The following ADORA2B variants were observed in gnomAD, a reference collection of about 807,000 sequenced individuals.
The protein encoded by ADORA2B is adenosine receptor A2b.
In ADORA2B, 18 loss-of-function variants were observed where a neutral mutation model predicts 20.8. That is an observed-to-expected ratio of 0.87 (90% CI 0.60 to 1.29). The LOEUF (loss-of-function observed/expected upper bound fraction) is 1.29, where lower values mean the gene tolerates loss of function less well. ADORA2B is among the 50% of genes most tolerant of loss of function. ADORA2B has a pLI of 0.00. For synonymous variants in ADORA2B, 179 were observed against 178.3 expected (o/e 1.00, Z -0.03); for missense variants, 441 against 422.7 (o/e 1.04, Z -0.38).
At chr17:15,879,699 G>A in the ADORA2B span, among the ~76,000 whole-genome samples, 1,403 of 149,294 alleles carry the variant, frequency 9.4e-3, 26 homozygotes, top group African/African-American at 0.034. Flanking sequence ...CACCACGCCC[G>A]GCTAATTTTT....
chr17:15,878,184 T>TACACACACACAC, the ADORA2B span, among the ~76,000 whole-genome samples: 3 of 143,820 alleles, frequency 2.1e-5, no homozygotes, highest in South Asian at 2.3e-4. Context: ...TGTGTGTGTA[T>TACACACACACAC]ACACACACAC....
the ADORA2B span, among the ~76,000 whole-genome samples, chr17:15,867,164 G>GC: frequency 6.6e-6 from 1 of 152,114 alleles, no homozygotes; most frequent in Non-Finnish European, 1.5e-5. Context: ...GCCTGCCTTG[G>GC]CCCCCCAAAG....
chr17:15,940,807 C>T (rs1266954785), upstream of ADORA2B, among the ~76,000 whole-genome samples: 1 of 152,218 alleles, frequency 6.6e-6, no homozygotes, highest in Non-Finnish European at 1.5e-5. Flanking sequence ...AGCAAGTGAT[C>T]CACGACTTCA....
At position 15,974,742 on chromosome 17, in the gene ADORA2B, C is replaced by A; in HGVS notation, c.399C>A (p.Ala133=). ...RGVIAVLWVL[A]FGIGLTPFLG... ...TCATTGCTGTCCTCTGGGTCCTTGC[C>A]TTTGGCATCGGATTGACTCCATTCC... is the stretch of plus-strand genomic sequence containing the variant. The change falls in exon 2 of 2, where the codon GCC becomes GCA. Residue 133 remains alanine (A), a synonymous_variant. Transcript: ENST00000304222. 2 of 1,614,142 alleles carry A rather than the reference C, an allele frequency of 1.2e-6. No individual in the cohort carries two copies. The highest frequency in any genetic ancestry group is 1.7e-6 in the Non-Finnish European group (2 of 1,180,026).
At chr17:15,918,164 G>A in the ADORA2B span, among the ~76,000 whole-genome samples, 6 of 152,116 alleles carry the variant, frequency 3.9e-5, no homozygotes, top group African/African-American at 9.7e-5. Context: ...TTGGACAGAG[G>A]GAGCTGCTCC....
At chr17:15,921,224 A>G in the ADORA2B span, among the ~76,000 whole-genome samples, 163 of 152,366 alleles carry the variant, frequency 1.1e-3, 2 homozygotes, top group East Asian at 0.023. Flanking sequence ...CTCAATCAGA[A>G]CTGGCTCCAA....
At chr17:15,951,718 C>G (rs1404557027) in intron 1 of ADORA2B, among the ~76,000 whole-genome samples, 1 of 152,218 alleles carries the variant, frequency 6.6e-6, no homozygotes, top group African/African-American at 2.4e-5. Context: ...AAGGCCCTCT[C>G]CCTTCGGGGA....
At chr17:15,942,478 C>A (rs1042346951), upstream of ADORA2B, among the ~76,000 whole-genome samples, 8 of 152,092 alleles carry the variant, frequency 5.3e-5, no homozygotes, top group Non-Finnish European at 1.2e-4. Flanking sequence ...TGTAAATTAC[C>A]CAGTCTCAGA....
chr17:15,967,670 A>C (rs1305364604), intron 1 of ADORA2B, among the ~76,000 whole-genome samples: 2 of 152,156 alleles, frequency 1.3e-5, no homozygotes, highest in Non-Finnish European at 2.9e-5. Flanking sequence ...TCTCAAAAAA[A>C]CAAAACAAAA....
chr17:15,961,792 TATAACAGACCCACTCTCAAG>T (rs1057017158), intron 1 of ADORA2B, among the ~76,000 whole-genome samples: 16 of 152,162 alleles, frequency 1.1e-4, no homozygotes, highest in Non-Finnish European at 2.1e-4. Context: ...CACTTGCATT[TATAACAGACCCACTCTCAAG>T]ATAACAGACC....
chr17:15,961,084 G>A (rs1486584762), intron 1 of ADORA2B, among the ~76,000 whole-genome samples: 4 of 150,998 alleles, frequency 2.6e-5, no homozygotes, highest in South Asian at 4.2e-4. Context: ...GGAGAATGGC[G>A]TGAACCTGGG....
the ADORA2B span, among the ~76,000 whole-genome samples, chr17:15,926,267 G>A: frequency 2.0e-5 from 3 of 151,926 alleles, no homozygotes; most frequent in Non-Finnish European, 4.4e-5. Flanking sequence ...TGCCCTTTTG[G>A]AGCTCACACT....
the ADORA2B span, among the ~76,000 whole-genome samples, chr17:15,897,091 G>A: frequency 6.6e-6 from 1 of 152,096 alleles, no homozygotes; most frequent in Admixed American, 6.5e-5. Flanking sequence ...CAGATGAAAA[G>A]GATAGAAACA....
the ADORA2B span, among the ~76,000 whole-genome samples, chr17:15,878,185 A>G: frequency 4.5e-3 from 5 of 1,118 alleles, no homozygotes; most frequent in African/African-American, 5.3e-3. Flanking sequence ...GTGTGTGTAT[A>G]CACACACACA....
the ADORA2B span, among the ~76,000 whole-genome samples, chr17:15,891,929 C>T: frequency 4.7e-5 from 7 of 149,200 alleles, no homozygotes; most frequent in African/African-American, 1.7e-4. Context: ...CTCACTGCAA[C>T]CTCCACCTGC....
At chr17:15,917,252 T>A in the ADORA2B span, among the ~76,000 whole-genome samples, 1 of 152,154 alleles carries the variant, frequency 6.6e-6, no homozygotes, top group Admixed American at 6.5e-5. Context: ...TGCAGTGAGA[T>A]CTGATTGTGC....
the ADORA2B span, among the ~76,000 whole-genome samples, chr17:15,855,844 C>T: frequency 1.3e-5 from 2 of 152,056 alleles, no homozygotes; most frequent in Non-Finnish European, 2.9e-5. Context: ...CTTTGCCCCC[C>T]TCCCCATTCT....
chr17:15,899,942 C>T, the ADORA2B span, among the ~76,000 whole-genome samples: 2 of 151,822 alleles, frequency 1.3e-5, no homozygotes, highest in East Asian at 1.9e-4. Context: ...AGTGATTCTT[C>T]TGCCTCAGCC....
At chr17:15,965,272 TTTGA>T (rs1350049067) in intron 1 of ADORA2B, among the ~76,000 whole-genome samples, 14 of 152,258 alleles carry the variant, frequency 9.2e-5, no homozygotes, top group Non-Finnish European at 1.5e-5. Flanking sequence ...AACATGTTTC[TTTGA>T]TTAAGAAGGC....
Sources: gnomAD v4.1 joint callset for allele counts (sites outside exome capture counted in the v4.1 genomes callset) on GRCh38, gnomAD v4.1.1 for gene constraint, MANE v1.5 for transcripts, NCBI Gene and HGNC (gene_info 2026-07-23, HGNC 2026-07-21) for gene names.